The following ATP6V1A variants were observed in gnomAD, a reference collection of about 807,000 sequenced individuals.
ATP6V1A encodes the protein V-type proton ATPase catalytic subunit A.
ATP6V1A carries 18 observed loss-of-function variants against 70.1 expected under a neutral mutation model. The observed-to-expected ratio is 0.26, with a 90% CI of 0.18 to 0.38. The LOEUF (loss-of-function observed/expected upper bound fraction) is 0.38. Among genes scored for constraint, ATP6V1A ranks in the 10% least tolerant of loss-of-function variants. The probability of loss-of-function intolerance (pLI) is 1.00; values close to 1 mark genes in which losing one functional copy is unlikely to be tolerated. For synonymous variants in ATP6V1A, 232 were observed against 253.8 expected, an observed-to-expected ratio of 0.91 and a Z score of 0.82; for missense variants, 424 against 772.4, an observed-to-expected ratio of 0.55 and a Z score of 5.35.
intron 2 of ATP6V1A, among the ~76,000 whole-genome samples, chr3:113,779,984 C>A (rs919056071): frequency 6.6e-6 from 1 of 152,142 alleles, no homozygotes; most frequent in African/African-American, 2.4e-5. Flanking sequence ...TTAAGCCCCA[C>A]GTGCGTTAGG....
intron 12 of ATP6V1A, among the ~76,000 whole-genome samples, chr3:113,800,021 A>G (rs554194445): frequency 5.3e-5 from 8 of 152,238 alleles, no homozygotes; most frequent in Admixed American, 2.6e-4. Flanking sequence ...CAACGAGGTC[A>G]GGAGTTCAAG....
intron 13 of ATP6V1A, among the ~76,000 whole-genome samples, chr3:113,804,626 G>A (rs1215039728): frequency 6.6e-6 from 1 of 152,162 alleles, no homozygotes; most frequent in South Asian, 2.1e-4. Flanking sequence ...CAGTAAATAT[G>A]CCTGTATATC....
intron 14 of ATP6V1A, 49 bp downstream of exon 14, chr3:113,805,574 TTTTC>T: frequency 6.5e-7 from 1 of 1,536,812 alleles, no homozygotes; most frequent in Non-Finnish European, 8.9e-7. Context: ...ATGCTTCTTT[TTTTC>T]TTTTTTTTTT....
At chr3:113,780,025 C>G (rs1230473764) in intron 2 of ATP6V1A, among the ~76,000 whole-genome samples, 6 of 152,128 alleles carry the variant, frequency 3.9e-5, no homozygotes, top group Admixed American at 3.9e-4. Flanking sequence ...CTCCCCTTGC[C>G]TCCTGCAATT....
At chr3:113,772,348 C>T (rs1400317047) in intron 1 of ATP6V1A, among the ~76,000 whole-genome samples, 1 of 152,072 alleles carries the variant, frequency 6.6e-6, no homozygotes, top group East Asian at 1.9e-4. Flanking sequence ...GAAATGAATC[C>T]TGGAGAAAAG....
intron 5 of ATP6V1A, 61 bp downstream of exon 5, chr3:113,784,894 G>A: frequency 2.0e-6 from 3 of 1,518,322 alleles, no homozygotes; most frequent in Non-Finnish European, 2.7e-6. Context: ...TAGCTGCCCA[G>A]TTTTAGTGCC....
chr3:113,750,729 A>C (rs1170668367), intron 1 of ATP6V1A, among the ~76,000 whole-genome samples: 1 of 152,170 alleles, frequency 6.6e-6, no homozygotes, highest in East Asian at 1.9e-4. Flanking sequence ...ATATTTTGTA[A>C]AAAAAATTTT....
At chr3:113,751,571 C>A (rs548902027) in intron 1 of ATP6V1A, among the ~76,000 whole-genome samples, 26 of 151,516 alleles carry the variant, frequency 1.7e-4, no homozygotes, top group Non-Finnish European at 1.5e-5. Flanking sequence ...AAATGTTTTC[C>A]ATATAATTTC....
intron 9 of ATP6V1A, 44 bp from the exon 10 acceptor site, chr3:113,795,046 G>T: frequency 1.2e-6 from 2 of 1,613,278 alleles, no homozygotes; most frequent in Non-Finnish European, 1.7e-6. Context: ...GATTTTCGGG[G>T]CTGGCTTAGA....
Position 113,778,671 on chromosome 3 carries a change from C to T in ATP6V1A, c.-13-70C>T, listed in dbSNP as rs1708944379. The T allele has an allele frequency of 9.3e-6, 7 of 750,694 alleles. No individual in the cohort carries two copies. In the Admixed American group the frequency reaches 2.1e-4, roughly 23 times the overall value. 46.5% of individuals were successfully genotyped at this position (750,694 alleles called of 1,614,324 possible). A position where few individuals can be genotyped will look rare whatever the true frequency, so the allele number is the denominator to read the frequency against. On this transcript the variant is annotated intron_variant, in intron 1 of 14. Transcript: ENST00000273398. ...ATGAGAGTGGTCTCATCTTAGTGGA[C>T]TACCTATATTTTGGGTCTTTTGCTT... is the stretch of plus-strand genomic sequence containing the variant.
At chr3:113,750,361 A>G (rs1220951904) in intron 1 of ATP6V1A, among the ~76,000 whole-genome samples, 1 of 152,254 alleles carries the variant, frequency 6.6e-6, no homozygotes, top group Non-Finnish European at 1.5e-5. Flanking sequence ...ACGCGCCTGT[A>G]GTGCCAGCTA....
At chr3:113,795,978 C>G in intron 11 of ATP6V1A, 39 bp downstream of exon 11, 1 of 1,515,856 alleles carries the variant, frequency 6.6e-7, no homozygotes, top group Non-Finnish European at 9.0e-7. Context: ...CTGAGCCTTT[C>G]CTCCTCTCTG....
Position 113,811,638 on chromosome 3 carries a change from A to G in ATP6V1A, c.*2211A>G, listed in dbSNP as rs896223825. On this transcript the variant is annotated 3_prime_UTR_variant, in exon 15 of 15. Transcript: ENST00000273398. Reference sequence around the variant, plus strand: ...TTGTTGTTGTTTTGAATTTGAAATCATTCTTATTCCCTTTAAGAATGTTTA... The same window carrying G: ...TTGTTGTTGTTTTGAATTTGAAATCGTTCTTATTCCCTTTAAGAATGTTTA... 6.6e-6 allele frequency: 1 copy of G among 152,648 alleles called. No individual in the cohort carries two copies. The highest frequency in any genetic ancestry group is 2.4e-5 in the African/African-American group (1 of 41,464). 9.5% of individuals were successfully genotyped at this position (152,648 alleles called of 1,614,324 possible).
At chr3:113,755,660 A>G (rs948761765) in intron 1 of ATP6V1A, among the ~76,000 whole-genome samples, 2 of 152,200 alleles carry the variant, frequency 1.3e-5, no homozygotes, top group South Asian at 2.1e-4. Context: ...GGTGCAATAT[A>G]TAATAGTTTT....
intron 8 of ATP6V1A, among the ~76,000 whole-genome samples, chr3:113,792,918 A>G (rs888544457): frequency 1.3e-5 from 2 of 152,220 alleles, no homozygotes; most frequent in Non-Finnish European, 2.9e-5. Flanking sequence ...TACCTGTTCA[A>G]TCTGTATTTA....
chr3:113,782,573 C>CACATATATATATAT (rs1308546543), intron 3 of ATP6V1A, among the ~76,000 whole-genome samples: 1 of 141,208 alleles, frequency 7.1e-6, no homozygotes, highest in African/African-American at 2.6e-5. Flanking sequence ...TATATATATA[C>CACATATATATATAT]GTATATATAT....
At chr3:113,769,388 G>A (rs529453103) in intron 1 of ATP6V1A, among the ~76,000 whole-genome samples, 1 of 152,198 alleles carries the variant, frequency 6.6e-6, no homozygotes, top group South Asian at 2.1e-4. Flanking sequence ...GATTTCCAGA[G>A]ATAGTCTTTA....
chr3:113,785,459 G>T (rs533559576), intron 5 of ATP6V1A, among the ~76,000 whole-genome samples: 5 of 146,196 alleles, frequency 3.4e-5, no homozygotes, highest in African/African-American at 1.3e-4. Context: ...AAAATAATTA[G>T]TATTATTATT....
intron 11 of ATP6V1A, among the ~76,000 whole-genome samples, chr3:113,796,234 C>T (rs1709152265): frequency 6.6e-6 from 1 of 152,062 alleles, no homozygotes; most frequent in Non-Finnish European, 1.5e-5. Context: ...GTCATAGTAA[C>T]CCTAGTTATA....
Sources: gnomAD v4.1 joint callset for allele counts (sites outside exome capture counted in the v4.1 genomes callset) on GRCh38, gnomAD v4.1.1 for gene constraint, MANE v1.5 for transcripts, NCBI Gene and HGNC (gene_info 2026-07-23, HGNC 2026-07-21) for gene names.